CLASRP: variants seen among roughly 807,000 people sequenced by gnomAD.
The protein encoded by CLASRP is CLK4 associating serine/arginine rich protein.
Under a neutral mutation model 99.9 loss-of-function variants are expected in CLASRP, and 52 were observed. The observed-to-expected ratio is 0.52, with a 90% CI of 0.42 to 0.66. The LOEUF is 0.66. Among genes scored for constraint, CLASRP ranks in the 30% least tolerant of loss-of-function variants. The pLI, the probability that CLASRP is intolerant of heterozygous loss-of-function variation, is 0.00. For missense variants in CLASRP, 848 were observed against 999.2 expected, an observed-to-expected ratio of 0.85 and a Z score of 2.04; for synonymous variants, 379 against 373.0, an observed-to-expected ratio of 1.02 and a Z score of -0.18.
chr19:45,052,864 G>T lies in CLASRP; in HGVS notation c.271G>T (p.Asp91Tyr), dbSNP rs772981283. ...DVRAHLDHIP[D>Y]YTPPLLTTIS... ...CCGTGCCCACCTGGACCACATCCCC[G>T]ACTACACCCCCCCTCTGCTCACCAC... Residue 91 changes from aspartate to tyrosine, a missense_variant, in exon 4 of 21, where the codon GAC becomes TAC. By Grantham distance (160) the Asp-to-Tyr change is radical. Around this residue, in one of 8 missense-constraint regions of CLASRP, gnomAD observed 54 missense variants for 38.7 expected, o/e 1.39. Transcript: ENST00000221455. 1 of 1,611,690 alleles carries T rather than the reference G, an allele frequency of 6.2e-7. No homozygotes were observed. Among genetic ancestry groups the T allele is most frequent in the Non-Finnish European group, 8.5e-7 (1 of 1,179,076 alleles).
intron 2 of CLASRP, among the ~76,000 whole-genome samples, chr19:45,049,109 C>G (rs1469465850): frequency 2.6e-5 from 4 of 152,178 alleles, no homozygotes; most frequent in Non-Finnish European, 5.9e-5. Context: ...CCAACAGAAC[C>G]AGGCTCTGGA....
chr19:45,069,225 C>T lies in CLASRP; in HGVS notation c.1851C>T (p.Ala617=). The T allele has an allele frequency of 6.2e-7, 1 of 1,613,882 alleles. No individual in the cohort carries two copies. The highest frequency in any genetic ancestry group is 2.2e-5 in the East Asian group (1 of 44,880). The change falls in exon 18 of 21, where the codon GCC becomes GCT. Residue 617 remains alanine (A), a synonymous_variant. Coordinates refer to ENST00000221455, the MANE Select transcript of CLASRP (RefSeq NM_007056.3). ...AGGAGCGGGAAGACGAGCTTCGAGC[C>T]ATGGCCCGCAAGATCCGCATGAAGT... ...ERQEREDELR[A]MARKIRMKER... is the part of the protein sequence containing the mutation.
intron 3 of CLASRP, 119 bp downstream of exon 3, chr19:45,052,287 C>T (rs1972039210): frequency 3.8e-6 from 3 of 799,174 alleles, no homozygotes; most frequent in Admixed American, 2.2e-5. Context: ...GACTCAGAGG[C>T]AGGGAAGGTG....
At chr19:45,068,321 ACCCCCCCCCCG>A (rs1322576065) in intron 15 of CLASRP, 88 bp from the exon 16 acceptor site, 2 of 388,440 alleles carry the variant, frequency 5.1e-6, no homozygotes, top group Non-Finnish European at 9.7e-6. Context: ...TCCCCCCCCC[ACCCCCCCCCCG>A]CACAAAGCCC....
intron 2 of CLASRP, among the ~76,000 whole-genome samples, chr19:45,044,073 G>C (rs1971867617): frequency 6.6e-6 from 1 of 152,124 alleles, no homozygotes; most frequent in South Asian, 2.1e-4. Context: ...GTAGAGACAG[G>C]GTTTCACCAT....
rs1966917134 is a variant in CLASRP at position 45,060,563 on chromosome 19, T to G, written c.799T>G (p.Ser267Ala). Residue 267 changes from serine (S) to alanine (A), a missense_variant, in exon 10 of 21, where the codon TCT becomes GCT. Ser to Ala is a moderately conservative substitution (Grantham distance 99). This residue lies in a region of CLASRP where 119 missense variants were observed against 170.2 expected (regional missense o/e 0.70). Coordinates refer to ENST00000221455, the MANE Select transcript of CLASRP (RefSeq NM_007056.3). The surrounding 1 kb of genome is among the most constrained non-coding windows in gnomAD (Gnocchi z 4.6). ...ACCCACCCTACTCCAGGGACGCCGC[T>G]CTCGACGCCAGCGGAGAGAGTTTCG... ...EEKAMYSGRR[S>A]RRQRREFREK... 1 of 1,613,020 alleles carries G rather than the reference T, an allele frequency of 6.2e-7. No homozygotes were observed. The highest frequency in any genetic ancestry group is 8.5e-7 in the Non-Finnish European group (1 of 1,179,648).
rs144071148 is a variant in CLASRP, at chr19:45,070,026, C to A, written c.1879C>A (p.Arg627=). The A allele has an allele frequency of 1.9e-5, 31 of 1,591,656 alleles. No individual in the cohort carries two copies. The African/African-American group carries it at 3.6e-4, about 19-fold the overall frequency. ...AMARKIRMKE[R]ERREKEREEW... ...GCTCATGCCATGCCTTCGCAGGGAG[C>A]GGGAACGCCGAGAGAAGGAGAGAGA... The change falls in exon 19 of 21, where the codon CGG becomes AGG. Residue 627 remains arginine (R), a synonymous_variant. Coordinates refer to ENST00000221455, the MANE Select transcript of CLASRP (RefSeq NM_007056.3).
intron 11 of CLASRP, among the ~76,000 whole-genome samples, chr19:45,062,677 G>A (rs761531252): frequency 2.4e-4 from 36 of 152,108 alleles, no homozygotes; most frequent in Non-Finnish European, 3.8e-4. Context: ...CACCACGCCC[G>A]GCCAATAAAA....
At chr19:45,041,595 G>A (rs1183288830) in intron 2 of CLASRP, among the ~76,000 whole-genome samples, 1 of 152,174 alleles carries the variant, frequency 6.6e-6, no homozygotes, top group Non-Finnish European at 1.5e-5. Context: ...TCCCTGGTCT[G>A]CTGGCCTCCA....
chr19:45,057,447 C>T (rs1972140655), intron 6 of CLASRP, among the ~76,000 whole-genome samples: 1 of 152,214 alleles, frequency 6.6e-6, no homozygotes, highest in African/African-American at 2.4e-5. Context: ...TTGTGGGACT[C>T]ATGGTCTAGG....
Position 45,053,137 on chromosome 19 carries a change from C to G in CLASRP, c.339C>G (p.Tyr113Ter). 2 of 1,614,012 alleles carry G rather than the reference C, an allele frequency of 1.2e-6. No homozygotes were observed. The highest frequency in any genetic ancestry group is 1.7e-6 in the Non-Finnish European group (2 of 1,180,016). Residue 113 changes from tyrosine to a stop codon, truncating the protein, a stop_gained, in exon 5 of 21, where the codon TAC becomes TAG. Transcript: ENST00000221455. LOFTEE classifies it high-confidence loss of function. ...EQESDERKCN[Y>*]ERYRGLVQND... The stretch of plus-strand genomic sequence containing the variant: ...AGTCGGACGAACGGAAGTGTAACTA[C>G]GAGCGCTACAGAGGCCTGGTGCAGA...
rs1484058541 is a variant in CLASRP, at chr19:45,064,399, G to A, written c.1178G>A (p.Arg393His). 20 of 1,530,668 alleles carry A rather than the reference G, an allele frequency of 1.3e-5. No individual in the cohort carries two copies. The highest frequency in any genetic ancestry group is 2.5e-5 in the East Asian group (1 of 40,680). 94.8% of individuals were successfully genotyped at this position (1,530,668 alleles called of 1,614,324 possible). ...SSSASRTSSS[R>H]SSSRSSSRSR... Reference sequence around the variant, plus strand: ...TCTGCCTCGAGGACCTCCAGCTCCCGCTCCAGCTCTCGCTCCAGCTCCCGC... The same window carrying A: ...TCTGCCTCGAGGACCTCCAGCTCCCACTCCAGCTCTCGCTCCAGCTCCCGC... The change falls in exon 13 of 21, where the codon CGC becomes CAC. Residue 393 changes from arginine (R) to histidine (H), a missense_variant. Around this residue, in one of 8 missense-constraint regions of CLASRP, gnomAD observed 489 missense variants for 434.7 expected, o/e 1.12. Coordinates refer to ENST00000221455, the MANE Select transcript of CLASRP (RefSeq NM_007056.3).
At chr19:45,069,033 AC>A in intron 16 of CLASRP, 32 bp from the exon 17 acceptor site, 2 of 1,591,558 alleles carry the variant, frequency 1.3e-6, no homozygotes, top group East Asian at 2.2e-5. Context: ...TCTTAAGGGA[AC>A]CCCTCAGCCA....
chr19:45,039,196 G>C (rs944133652), intron 1 of CLASRP, 88 bp downstream of exon 1: 3 of 152,508 alleles, frequency 2.0e-5, no homozygotes, highest in African/African-American at 7.2e-5. Flanking sequence ...CCATGCTGCT[G>C]TGGGCTTCTG....
Position 45,064,126 on chromosome 19 carries a change from C to A in CLASRP, c.1020C>A (p.Ala340=). ...TSFGGSDEEA[A]AAAAAAAASG... is the part of the protein sequence containing the mutation. Reference sequence around the variant, plus strand: ...TTGGGGGCAGCGATGAGGAGGCAGCCGCAGCCGCTGCTGCCGCAGCAGCAT... The same window carrying A: ...TTGGGGGCAGCGATGAGGAGGCAGCAGCAGCCGCTGCTGCCGCAGCAGCAT... The change falls in exon 12 of 21, where the codon GCC becomes GCA. Residue 340 remains alanine, a synonymous_variant. Transcript: ENST00000221455. The A allele has an allele frequency of 6.2e-7, 1 of 1,610,278 alleles. No individual in the cohort carries two copies. The highest frequency in any genetic ancestry group is 8.5e-7 in the Non-Finnish European group (1 of 1,179,190).
At chr19:45,041,857 C>T (rs560429303) in intron 2 of CLASRP, among the ~76,000 whole-genome samples, 1 of 152,336 alleles carries the variant, frequency 6.6e-6, no homozygotes, top group African/African-American at 2.4e-5. Flanking sequence ...TGCTATTCCT[C>T]CACTGACCCA....
At position 45,064,479 on chromosome 19, in the gene CLASRP, C is replaced by CGCTCCT; in HGVS notation, c.1260_1265dup (p.Ser421_Trp422insCysSer). The CGCTCCT allele has an allele frequency of 6.5e-7, 1 of 1,528,932 alleles. No homozygotes were observed. The highest frequency in any genetic ancestry group is 1.2e-5 in the South Asian group (1 of 83,694). The allele number at this position is 1,528,932 out of a possible 1,614,324, so 94.7% of individuals were successfully genotyped here. A position where few individuals can be genotyped will look rare whatever the true frequency, so the allele number is the denominator to read the frequency against. ...CGGCCGCCACGCCCGCTCCCGGTCC[C>CGCTCCT]GCTCCTGGTCCCGCTCCCGCTCCCG... On this transcript the variant is annotated inframe_insertion, in exon 13 of 21. Transcript: ENST00000221455.
intron 6 of CLASRP, 66 bp downstream of exon 6, chr19:45,056,600 G>A (rs1270111170): frequency 7.7e-7 from 1 of 1,305,374 alleles, no homozygotes; most frequent in Non-Finnish European, 1.1e-6. Context: ...AGCCAGGCAT[G>A]GCCTCTTCCA....
Position 45,069,135 on chromosome 19 carries a change from A to C in CLASRP, c.1827+11A>C. The C allele has an allele frequency of 6.2e-7, 1 of 1,614,124 alleles. No homozygotes were observed. The highest frequency in any genetic ancestry group is 8.5e-7 in the Non-Finnish European group (1 of 1,179,984). On this transcript the variant is annotated intron_variant, in intron 17 of 20. Transcript: ENST00000221455. ...GAGCATGAGCGGCAGGTGAAGTGGG[A>C]AAGGGAGGGCTGGGGTGACGGGTGG...
Sources: allele counts gnomAD v4.1 joint callset (sites outside exome capture counted in the v4.1 genomes callset), GRCh38; gene constraint gnomAD v4.1.1; regional missense constraint gnomAD v4.1.1; non-coding constraint Gnocchi (gnomAD v3.1); transcripts MANE v1.5; gene names NCBI Gene and HGNC (gene_info 2026-07-23, HGNC 2026-07-21).